Variants in LRRC28 observed in about 807,000 individuals in gnomAD.
LRRC28 encodes leucine-rich repeat-containing protein 28.
LRRC28 carries 39 observed loss-of-function variants against 45.7 expected under a neutral mutation model. The ratio of observed to expected loss-of-function variants is 0.85; its 90% CI spans 0.66 to 1.12. The LOEUF (loss-of-function observed/expected upper bound fraction) is 1.12, where lower values mean the gene tolerates loss of function less well. Ranked by LOEUF, LRRC28 falls within the 50% of genes most tolerant of loss-of-function variation. The pLI is 0.00. For synonymous variants in LRRC28, 206 were observed against 178.8 expected, an observed-to-expected ratio of 1.15 and a Z score of -1.22; for missense variants, 435 against 438.5, an observed-to-expected ratio of 0.99 and a Z score of 0.07.
At chr15:99,275,374 C>T (rs779976290) in intron 2 of LRRC28, among the ~76,000 whole-genome samples, 76 of 152,302 alleles carry the variant, frequency 5.0e-4, no homozygotes, top group African/African-American at 6.3e-4. Flanking sequence ...TGGCCCTCTA[C>T]TCTGATGTCT....
intron 5 of LRRC28, 66 bp from the exon 6 acceptor site, chr15:99,333,857 T>C (rs1208488578): frequency 2.7e-6 from 4 of 1,479,678 alleles, no homozygotes; most frequent in Admixed American, 1.7e-5. Context: ...TGTTATAATA[T>C]TGATTCATTT....
chr15:99,363,283 G>C lies in LRRC28; in HGVS notation c.1031+18G>C, dbSNP rs1957256493. ...CACCAGTGGTAATCATGCCTAAGTGGGCACCAGGGTTTACACCCAGGCAAG... is the reference window on the plus strand; with the variant it reads ...CACCAGTGGTAATCATGCCTAAGTGCGCACCAGGGTTTACACCCAGGCAAG... On this transcript the variant is annotated intron_variant, in intron 9 of 9. Transcript: ENST00000301981. The C allele has an allele frequency of 1.2e-6, 2 of 1,613,176 alleles. No homozygotes were observed. The highest frequency in any genetic ancestry group is 4.5e-5 in the East Asian group (2 of 44,870).
intron 5 of LRRC28, among the ~76,000 whole-genome samples, chr15:99,307,354 C>G (rs1011595344): frequency 6.6e-6 from 1 of 152,086 alleles, no homozygotes; most frequent in African/African-American, 2.4e-5. Flanking sequence ...ATTTCCCATC[C>G]CATAAATGCC....
In LRRC28 at chr15:99,348,353, A is replaced by G. The variant is rs143668138; in HGVS notation, c.593-4016A>G. On this transcript the variant is annotated intron_variant, in intron 6 of 9. Transcript: ENST00000301981. The stretch of plus-strand genomic sequence containing the variant: ...ATCGAAAAAATCATTGCCAAGTCCA[A>G]TGTCAAGGAGCTTTTCTCCTATGTT... 3.3e-3 allele frequency among the ~76,000 whole-genome samples: 508 copies of G among 152,250 alleles called. 2 individuals carry two copies. The highest frequency in any genetic ancestry group is 0.019 in the South Asian group (94 of 4,824).
chr15:99,378,046 G>A lies in LRRC28; in HGVS notation c.1032-7984G>A, dbSNP rs2152339508. 3.9e-5 allele frequency among the ~76,000 whole-genome samples: 6 copies of A among 152,206 alleles called. No individual in the cohort carries two copies. In the South Asian group the frequency reaches 1.2e-3, roughly 32 times the overall value. On this transcript the variant is annotated intron_variant, in intron 9 of 9. Transcript: ENST00000301981. ...TGCAGGCCCTTTTTTGGTTCCATAT[G>A]AACTTTAAAGTAGTTTTTTCCAATT...
chr15:99,261,607 C>T (rs1019118333), intron 2 of LRRC28, among the ~76,000 whole-genome samples: 2 of 151,998 alleles, frequency 1.3e-5, no homozygotes, highest in African/African-American at 2.4e-5. Context: ...ATTTAATTGC[C>T]TCCCAAAGGT....
At chr15:99,312,586 G>A (rs994952498) in intron 5 of LRRC28, among the ~76,000 whole-genome samples, 1 of 152,140 alleles carries the variant, frequency 6.6e-6, no homozygotes, top group African/African-American at 2.4e-5. Context: ...TAATAAACCA[G>A]TAACAGAGTT....
intron 5 of LRRC28, among the ~76,000 whole-genome samples, chr15:99,314,720 C>G (rs1955534755): frequency 6.6e-6 from 1 of 152,154 alleles, no homozygotes; most frequent in South Asian, 2.1e-4. Context: ...CCCCCTTCAC[C>G]TAACCTGGGT....
intron 5 of LRRC28, among the ~76,000 whole-genome samples, chr15:99,314,904 C>A (rs1225414264): frequency 6.6e-6 from 1 of 152,158 alleles, no homozygotes; most frequent in African/African-American, 2.4e-5. Context: ...TTCATTCTTG[C>A]AGATTCATAT....
intron 7 of LRRC28, among the ~76,000 whole-genome samples, chr15:99,354,328 C>G (rs1377790122): frequency 6.6e-6 from 1 of 152,168 alleles, no homozygotes; most frequent in East Asian, 1.9e-4. Context: ...TAGATGATAA[C>G]TACTGAAGCT....
rs112052497 is a variant in LRRC28 at position 99,387,847 on chromosome 15, G to T, written c.*1745G>T. ...AGCTGCCCTGACTTTATAATGCTAC[G>T]CTCTTAACAGTGCCAAAAATCCTAC... On this transcript the variant is annotated 3_prime_UTR_variant, in exon 10 of 10. Transcript: ENST00000301981. The T allele has an allele frequency of 3.7e-3, 555 of 151,970 alleles. 4 individuals carry two copies. The highest frequency in any genetic ancestry group is 0.013 in the African/African-American group (523 of 41,470). 9.4% of individuals were successfully genotyped at this position (151,970 alleles called of 1,614,324 possible).
intron 5 of LRRC28, among the ~76,000 whole-genome samples, chr15:99,290,128 T>C (rs956804922): frequency 1.3e-5 from 2 of 151,216 alleles, no homozygotes; most frequent in Admixed American, 6.6e-5. Flanking sequence ...TGTGGTGGCA[T>C]TGTGCCTATA....
intron 3 of LRRC28, 130 bp downstream of exon 3, chr15:99,276,746 AG>A (rs758697320): frequency 1.8e-4 from 106 of 588,978 alleles, no homozygotes; most frequent in Admixed American, 7.7e-4. Context: ...GTACTCATGT[AG>A]GTAGACCTGT....
intron 9 of LRRC28, among the ~76,000 whole-genome samples, chr15:99,372,332 C>A (rs1436355137): frequency 6.6e-6 from 1 of 152,142 alleles, no homozygotes; most frequent in African/African-American, 2.4e-5. Context: ...CTCAAAGATT[C>A]TAAAGCAACA....
At chr15:99,331,236 T>G (rs1027319244) in intron 5 of LRRC28, among the ~76,000 whole-genome samples, 1 of 152,220 alleles carries the variant, frequency 6.6e-6, no homozygotes, top group African/African-American at 2.4e-5. Context: ...TGATGGATTT[T>G]TTTCAAATAC....
chr15:99,335,841 A>T (rs1159633878), intron 6 of LRRC28, among the ~76,000 whole-genome samples: 3 of 152,112 alleles, frequency 2.0e-5, no homozygotes, highest in African/African-American at 7.2e-5. Context: ...GAGGGAAGGC[A>T]AGGAGAGAAG....
At chr15:99,257,718 A>G in intron 2 of LRRC28, 1 of 773,936 alleles carries the variant, frequency 1.3e-6, no homozygotes, top group Non-Finnish European at 2.4e-6. Flanking sequence ...TGTGGAAGGT[A>G]CAGTAGAAGA....
chr15:99,285,258 A>G, intron 3 of LRRC28: 1 of 734,838 alleles, frequency 1.4e-6, no homozygotes, highest in Non-Finnish European at 2.5e-6. Context: ...TCATCAACAA[A>G]TATCTTTTTC....
intron 9 of LRRC28, among the ~76,000 whole-genome samples, chr15:99,372,673 T>C (rs528268788): frequency 1.3e-5 from 2 of 152,324 alleles, no homozygotes; most frequent in East Asian, 3.9e-4. Flanking sequence ...TCATAAGTAG[T>C]TAATGATGAT....
Sources: allele counts gnomAD v4.1 joint callset (sites outside exome capture counted in the v4.1 genomes callset), GRCh38; gene constraint gnomAD v4.1.1; transcripts MANE v1.5; gene names NCBI Gene and HGNC (gene_info 2026-07-23, HGNC 2026-07-21).